ROBO1: variants seen among roughly 807,000 people sequenced by gnomAD.
The protein encoded by ROBO1 is roundabout guidance receptor 1, also known as roundabout homolog 1.
ROBO1 carries 149 observed loss-of-function variants against 195.9 expected under a neutral mutation model. The ratio of observed to expected loss-of-function variants is 0.76; its 90% CI spans 0.67 to 0.87. The LOEUF (loss-of-function observed/expected upper bound fraction) is 0.87. ROBO1 is among the 40% of genes least tolerant of loss of function. The pLI, the probability that ROBO1 is intolerant of heterozygous loss-of-function variation, is 0.00. For missense variants in ROBO1, 1,933 were observed against 2,068.3 expected (o/e 0.93, Z 1.27); for synonymous variants, 816 against 733.2 (o/e 1.11, Z -1.82).
intron 3 of ROBO1, among the ~76,000 whole-genome samples, chr3:78,994,930 T>A (rs1315382919): frequency 2.6e-5 from 4 of 152,098 alleles, no homozygotes; most frequent in Non-Finnish European, 5.9e-5. Flanking sequence ...ACATCGTGTG[T>A]TTATACATAC....
intron 1 of ROBO1, among the ~76,000 whole-genome samples, chr3:79,693,582 C>T (rs1317262821): frequency 6.6e-6 from 1 of 151,650 alleles, no homozygotes; most frequent in African/African-American, 2.4e-5. Flanking sequence ...CAGTTGTACA[C>T]TACCATGCTT....
intron 8 of ROBO1, among the ~76,000 whole-genome samples, chr3:78,698,184 A>C (rs1337799967): frequency 1.3e-5 from 2 of 152,168 alleles, no homozygotes; most frequent in African/African-American, 2.4e-5. Flanking sequence ...GAAGAAACAC[A>C]TTTTTATTCA....
chr3:79,192,495 A>C (rs757722887), intron 2 of ROBO1, among the ~76,000 whole-genome samples: 18 of 151,728 alleles, frequency 1.2e-4, no homozygotes, highest in Non-Finnish European at 2.5e-4. Context: ...GTCTGCTCTA[A>C]GGAAATGAGG....
intron 1 of ROBO1, among the ~76,000 whole-genome samples, chr3:79,702,936 G>A (rs1437134552): frequency 2.6e-5 from 4 of 151,898 alleles, no homozygotes; most frequent in Admixed American, 6.6e-5. Flanking sequence ...TGGCCACGTG[G>A]CCTAAAGCAG....
chr3:79,504,048 A>T (rs1940261789), intron 2 of ROBO1, among the ~76,000 whole-genome samples: 1 of 152,140 alleles, frequency 6.6e-6, no homozygotes, highest in Admixed American at 6.5e-5. Context: ...ATGCAATAGT[A>T]CTCTAAAAAT....
intron 2 of ROBO1, among the ~76,000 whole-genome samples, chr3:79,319,680 A>G (rs2033891127): frequency 6.6e-6 from 1 of 152,198 alleles, no homozygotes; most frequent in Admixed American, 6.5e-5. Context: ...AATATTAAAA[A>G]TGACTTAAAT....
At chr3:78,671,368 T>C (rs556672081) in intron 10 of ROBO1, among the ~76,000 whole-genome samples, 41 of 152,036 alleles carry the variant, frequency 2.7e-4, no homozygotes, top group African/African-American at 9.6e-4. Context: ...AAATTCTGGA[T>C]GTTAATGAAA....
chr3:79,203,954 C>G (rs184375404), intron 2 of ROBO1, among the ~76,000 whole-genome samples: 79 of 152,178 alleles, frequency 5.2e-4, no homozygotes, highest in African/African-American at 1.7e-3. Context: ...AATTGGTATC[C>G]TTTTATTTTC....
At chr3:79,498,743 A>C (rs1575920258) in intron 2 of ROBO1, among the ~76,000 whole-genome samples, 1 of 151,662 alleles carries the variant, frequency 6.6e-6, no homozygotes, top group South Asian at 2.1e-4. Flanking sequence ...AATCCCAGCT[A>C]CTCGGGAGGC....
chr3:78,656,896 G>C (rs969163825), intron 18 of ROBO1, among the ~76,000 whole-genome samples: 1 of 150,898 alleles, frequency 6.6e-6, no homozygotes, highest in Non-Finnish European at 1.5e-5. Flanking sequence ...CATCTAGTCT[G>C]TCTCTCTCTC....
intron 2 of ROBO1, among the ~76,000 whole-genome samples, chr3:79,243,921 A>G (rs535556501): frequency 6.6e-6 from 1 of 152,274 alleles, no homozygotes; most frequent in Non-Finnish European, 1.5e-5. Context: ...TATGTCCTGA[A>G]TGGCATTGCC....
chr3:79,225,034 C>T (rs1023216509), intron 2 of ROBO1, among the ~76,000 whole-genome samples: 4 of 151,910 alleles, frequency 2.6e-5, no homozygotes, highest in African/African-American at 4.8e-5. Flanking sequence ...GATCTAAAGG[C>T]GGTAAAAGAG....
At chr3:79,594,845 C>T (rs777087422) in intron 1 of ROBO1, among the ~76,000 whole-genome samples, 2 of 151,864 alleles carry the variant, frequency 1.3e-5, no homozygotes, top group African/African-American at 4.8e-5. Flanking sequence ...ATGACGGAAC[C>T]AATTGTGTAT....
chr3:78,614,868 A>G lies in ROBO1; in HGVS notation c.4283-68T>C, dbSNP rs185686303. On this transcript the variant is annotated intron_variant, in intron 27 of 30. Coordinates refer to ENST00000464233, the MANE Select transcript of ROBO1 (RefSeq NM_002941.4). The stretch of plus-strand genomic sequence containing the variant: ...GAATTTTAATTACAACAGGAACAAC[A>G]AAAAGAAAACATTAAAACCAGAAAC... The G allele has an allele frequency of 3.2e-5, 45 of 1,406,336 alleles. No individual in the cohort carries two copies. The East Asian group carries it at 9.8e-4, about 31-fold the overall frequency. 87.1% of individuals were successfully genotyped at this position (1,406,336 alleles called of 1,614,324 possible).
At chr3:79,198,212 G>C (rs984216356) in intron 2 of ROBO1, among the ~76,000 whole-genome samples, 2 of 151,978 alleles carry the variant, frequency 1.3e-5, no homozygotes, top group African/African-American at 4.8e-5. Flanking sequence ...GTTAATTTTT[G>C]TATAAGGTGT....
chr3:79,499,185 G>T (rs1939919140), intron 2 of ROBO1, among the ~76,000 whole-genome samples: 1 of 152,052 alleles, frequency 6.6e-6, no homozygotes, highest in African/African-American at 2.4e-5. Flanking sequence ...AGTAGAGACG[G>T]GGTTTCGCCA....
intron 2 of ROBO1, among the ~76,000 whole-genome samples, chr3:79,257,041 T>G (rs1334507639): frequency 6.6e-6 from 1 of 152,184 alleles, no homozygotes; most frequent in Non-Finnish European, 1.5e-5. Context: ...ATAAGTTACA[T>G]CTTCACAGAT....
intron 1 of ROBO1, among the ~76,000 whole-genome samples, chr3:79,649,881 T>C (rs1945949168): frequency 6.6e-6 from 1 of 152,072 alleles, no homozygotes; most frequent in Admixed American, 6.6e-5. Flanking sequence ...CCTGTCTACC[T>C]GTCTATCCAT....
chr3:78,950,701 AC>A (rs1414617424), intron 3 of ROBO1, among the ~76,000 whole-genome samples: 58 of 150,568 alleles, frequency 3.9e-4, no homozygotes, highest in Admixed American at 3.4e-3. Flanking sequence ...AAAAAAAAAA[AC>A]AAAACATCAA....
Sources: gnomAD v4.1 joint callset for allele counts (sites outside exome capture counted in the v4.1 genomes callset) on GRCh38, gnomAD v4.1.1 for gene constraint, MANE v1.5 for transcripts, NCBI Gene and HGNC (gene_info 2026-07-23, HGNC 2026-07-21) for gene names.